Variants in KDM2A observed in about 807,000 individuals in gnomAD.
KDM2A encodes the protein lysine-specific demethylase 2A.
Under a neutral mutation model 137.3 loss-of-function variants are expected in KDM2A, and 3 were observed. That is an observed-to-expected ratio of 0.02 (90% CI 0.01 to 0.06). The LOEUF (loss-of-function observed/expected upper bound fraction) is 0.06. KDM2A is among the 10% of genes least tolerant of loss of function. The pLI, the probability that KDM2A is intolerant of heterozygous loss-of-function variation, is 1.00. For missense variants in KDM2A, 738 were observed against 1,510.6 expected (o/e 0.49, Z 8.48); for synonymous variants, 512 against 541.5 (o/e 0.95, Z 0.76).
intron 11 of KDM2A, 116 bp from the exon 12 acceptor site, chr11:67,231,450 A>T: frequency 1.1e-6 from 1 of 930,568 alleles, no homozygotes; most frequent in Non-Finnish European, 1.6e-6. Flanking sequence ...CCATTTTTTT[A>T]AATGTGGTAA....
intron 2 of KDM2A, among the ~76,000 whole-genome samples, chr11:67,142,938 A>T (rs1856148127): frequency 6.7e-6 from 1 of 150,236 alleles, no homozygotes; most frequent in Non-Finnish European, 1.5e-5. Flanking sequence ...TCTATCTTCT[A>T]CTCCCTCTCA....
chr11:67,204,064 G>A (rs560067164), intron 5 of KDM2A, among the ~76,000 whole-genome samples: 4 of 152,080 alleles, frequency 2.6e-5, no homozygotes, highest in Admixed American at 6.6e-5. Context: ...GCCTCCCAAA[G>A]TGCTGAGATT....
chr11:67,217,240 C>CAAAAAAA (rs544615414), intron 8 of KDM2A, among the ~76,000 whole-genome samples: 1 of 50,522 alleles, frequency 2.0e-5, no homozygotes, highest in African/African-American at 7.3e-5. Context: ...GAAACTCTGT[C>CAAAAAAA]AAAAAAAAAA....
At chr11:67,217,458 A>G (rs1483069475) in intron 8 of KDM2A, 1 of 426,896 alleles carries the variant, frequency 2.3e-6, no homozygotes, top group Non-Finnish European at 4.3e-6. Context: ...CTGCCTAGGT[A>G]ATGAGCTGAA....
At chr11:67,146,497 T>C (rs141394767) in intron 2 of KDM2A, among the ~76,000 whole-genome samples, 8 of 152,124 alleles carry the variant, frequency 5.3e-5, no homozygotes, top group African/African-American at 1.7e-4. Context: ...ACAGATTCTC[T>C]CTCTTTGTCT....
At chr11:67,157,706 C>T (rs143119774) in intron 2 of KDM2A, among the ~76,000 whole-genome samples, 105 of 148,944 alleles carry the variant, frequency 7.0e-4, no homozygotes, top group African/African-American at 2.4e-3. Context: ...GATGGCGCCA[C>T]TGCACTCCAG....
At chr11:67,224,671 T>C (rs1037243939) in intron 10 of KDM2A, among the ~76,000 whole-genome samples, 7 of 151,312 alleles carry the variant, frequency 4.6e-5, no homozygotes. Context: ...TTTCACTGTG[T>C]TAGCCAGGAT....
At chr11:67,156,579 C>T (rs1401584656) in intron 2 of KDM2A, among the ~76,000 whole-genome samples, 16 of 151,818 alleles carry the variant, frequency 1.1e-4, no homozygotes, top group African/African-American at 3.9e-4. Context: ...ATTAGCCGGG[C>T]GTGGTGGTAG....
At chr11:67,248,925 C>A (rs965371154) in intron 16 of KDM2A, among the ~76,000 whole-genome samples, 2 of 152,174 alleles carry the variant, frequency 1.3e-5, no homozygotes, top group African/African-American at 4.8e-5. Context: ...AGGTTGCTGA[C>A]CAGTGGTTGC....
At chr11:67,229,917 C>A (rs1220770178) in intron 11 of KDM2A, among the ~76,000 whole-genome samples, 1 of 150,904 alleles carries the variant, frequency 6.6e-6, no homozygotes, top group Non-Finnish European at 1.5e-5. Flanking sequence ...TGGCTCACAC[C>A]TGTAATCCCA....
At chr11:67,213,657 G>T (rs1044999578) in intron 6 of KDM2A, among the ~76,000 whole-genome samples, 2 of 151,342 alleles carry the variant, frequency 1.3e-5, no homozygotes, top group African/African-American at 4.9e-5. Context: ...TACTCAAGAG[G>T]CTGAGGCAGG....
chr11:67,211,639 A>G, intron 6 of KDM2A, among the ~76,000 whole-genome samples: 1 of 149,592 alleles, frequency 6.7e-6, no homozygotes, highest in South Asian at 2.1e-4. Flanking sequence ...AAAAAAAAAA[A>G]AGAATATATA....
chr11:67,229,795 G>A (rs536015407), intron 11 of KDM2A, among the ~76,000 whole-genome samples: 9 of 151,676 alleles, frequency 5.9e-5, no homozygotes, highest in African/African-American at 1.5e-4. Flanking sequence ...ACTTGAACCC[G>A]GGAGGTGGAG....
At chr11:67,193,268 G>A (rs1452243021) in intron 5 of KDM2A, among the ~76,000 whole-genome samples, 1 of 152,184 alleles carries the variant, frequency 6.6e-6, no homozygotes, top group Non-Finnish European at 1.5e-5. Context: ...GGGATTACAG[G>A]CGTGAGCCAC....
At chr11:67,232,540 G>T (rs1858746339) in intron 12 of KDM2A, among the ~76,000 whole-genome samples, 1 of 152,128 alleles carries the variant, frequency 6.6e-6, no homozygotes, top group African/African-American at 2.4e-5. Context: ...CAACGTGCAG[G>T]TTTATTACAT....
intron 2 of KDM2A, among the ~76,000 whole-genome samples, chr11:67,155,216 A>G (rs574477607): frequency 4.6e-5 from 7 of 152,060 alleles, no homozygotes; most frequent in South Asian, 2.1e-4. Flanking sequence ...GGGTTTTGCT[A>G]TGTTGGCCAG....
chr11:67,251,540 T>G (rs1859429024), intron 17 of KDM2A, among the ~76,000 whole-genome samples: 1 of 152,264 alleles, frequency 6.6e-6, no homozygotes, highest in African/African-American at 2.4e-5. Flanking sequence ...ACACACATCC[T>G]ATTACAGTAG....
At chr11:67,178,650 T>C (rs943188031) in intron 2 of KDM2A, among the ~76,000 whole-genome samples, 5 of 152,210 alleles carry the variant, frequency 3.3e-5, no homozygotes, top group African/African-American at 1.2e-4. Context: ...TATGTGGTCT[T>C]TTATGACTGG....
intron 7 of KDM2A, 193 bp downstream of exon 7, chr11:67,215,639 A>G: frequency 3.2e-6 from 2 of 620,716 alleles, no homozygotes; most frequent in Non-Finnish European, 2.8e-6. Context: ...CACACAGTTA[A>G]AGGAAAAAAA....
Sources: gnomAD v4.1 joint callset for allele counts (sites outside exome capture counted in the v4.1 genomes callset) on GRCh38, gnomAD v4.1.1 for gene constraint, MANE v1.5 for transcripts, NCBI Gene and HGNC (gene_info 2026-07-23, HGNC 2026-07-21) for gene names.